The following PLB1 variants were observed in gnomAD, a reference collection of about 807,000 sequenced individuals.
PLB1 encodes the protein phospholipase B1.
PLB1 carries 242 observed loss-of-function variants against 227.4 expected under a neutral mutation model. The ratio of observed to expected loss-of-function variants is 1.06; its 90% CI spans 0.96 to 1.18. PLB1 has a LOEUF of 1.18. Among genes scored for constraint, PLB1 ranks in the 50% most tolerant of loss-of-function variants. The pLI, the probability that PLB1 is intolerant of heterozygous loss-of-function variation, is 0.00. For missense variants in PLB1, 1,858 were observed against 1,816.3 expected (o/e 1.02, Z -0.42); for synonymous variants, 757 against 682.2 (o/e 1.11, Z -1.71).
chr2:28,587,353 C>T (rs117235897), intron 26 of PLB1, among the ~76,000 whole-genome samples: 4,256 of 152,264 alleles, frequency 0.028, 96 homozygotes, highest in South Asian at 0.084. Context: ...TGGTGACTCA[C>T]GCCTATAATC....
chr2:28,537,883 G>T (rs114152807), intron 9 of PLB1, among the ~76,000 whole-genome samples: 2 of 152,172 alleles, frequency 1.3e-5, no homozygotes, highest in East Asian at 3.9e-4. Context: ...TCACATGAAG[G>T]TTCCGAGGCC....
chr2:28,540,478 C>A, intron 12 of PLB1, 37 bp downstream of exon 12: 1 of 1,586,370 alleles, frequency 6.3e-7, no homozygotes, highest in Admixed American at 1.7e-5. Flanking sequence ...GCTGGCTCAC[C>A]GGGGTGGCGT....
intron 19 of PLB1, among the ~76,000 whole-genome samples, chr2:28,565,713 G>A (rs962417562): frequency 1.3e-5 from 2 of 152,180 alleles, no homozygotes; most frequent in East Asian, 3.8e-4. Flanking sequence ...CTGAGCCCTA[G>A]CTGCCCAGTT....
At chr2:28,541,173 AAAATAAATAAATT>A (rs1301223101) in intron 12 of PLB1, among the ~76,000 whole-genome samples, 2 of 56,094 alleles carry the variant, frequency 3.6e-5, no homozygotes, top group South Asian at 9.0e-4. Context: ...CTCCGTCTCA[AAAATAAATAAATT>A]AAATAAATAA....
rs375685144 is a variant in PLB1, at chr2:28,614,157, C to T, written c.3195+61C>T. The T allele has an allele frequency of 4.2e-5, 60 of 1,445,462 alleles. No individual in the cohort carries two copies. In the African/African-American group the frequency reaches 6.2e-4, roughly 15 times the overall value. 89.5% of individuals were successfully genotyped at this position (1,445,462 alleles called of 1,614,324 possible). A position where few individuals can be genotyped will look rare whatever the true frequency, so the allele number is the denominator to read the frequency against. Reference sequence around the variant, plus strand: ...AAACCATTTCCACCTGCCAGGGGCTCGGGTGTGGTACAGGTTTCAGAGTAT... The same window carrying T: ...AAACCATTTCCACCTGCCAGGGGCTTGGGTGTGGTACAGGTTTCAGAGTAT... On this transcript the variant is annotated intron_variant, in intron 44 of 57. Transcript: ENST00000327757.
chr2:28,541,369 T>C (rs999718776), intron 12 of PLB1, among the ~76,000 whole-genome samples: 63 of 152,244 alleles, frequency 4.1e-4, no homozygotes, highest in African/African-American at 1.5e-3. Context: ...ATTTTTTGAG[T>C]GGTTAAGGCA....
chr2:28,601,204 T>A, intron 36 of PLB1, 48 bp from the exon 37 acceptor site: 6 of 1,494,802 alleles, frequency 4.0e-6, no homozygotes, highest in Non-Finnish European at 5.6e-6. Context: ...CAGGGATATT[T>A]TCATTTCCTT....
intron 43 of PLB1, among the ~76,000 whole-genome samples, chr2:28,612,586 C>T (rs1211820989): frequency 6.6e-6 from 1 of 150,796 alleles, no homozygotes. Context: ...GACGAGATCA[C>T]TTTTCCAACA....
chr2:28,510,893 A>G (rs1314289272), intron 1 of PLB1, among the ~76,000 whole-genome samples: 1 of 151,776 alleles, frequency 6.6e-6, no homozygotes, highest in Non-Finnish European at 1.5e-5. Context: ...CTCTCAAAGC[A>G]TTGAGATTAC....
chr2:28,547,626 C>T (rs1035273770), intron 14 of PLB1, among the ~76,000 whole-genome samples: 3 of 152,128 alleles, frequency 2.0e-5, no homozygotes, highest in Non-Finnish European at 4.4e-5. Context: ...CTGCCCCATC[C>T]AGTAGCTTCC....
intron 55 of PLB1, 44 bp from the exon 56 acceptor site, chr2:28,632,900 A>G: frequency 1.4e-6 from 2 of 1,428,636 alleles, no homozygotes; most frequent in South Asian, 2.3e-5. Context: ...CTCAGGTAGC[A>G]GAGCCCTTTC....
At chr2:28,566,903 C>G (rs778156242) in intron 20 of PLB1, 64 bp downstream of exon 20, 6 of 1,588,366 alleles carry the variant, frequency 3.8e-6, no homozygotes, top group Middle Eastern at 1.7e-4. Flanking sequence ...TCCCGCTCCC[C>G]CTGCAGGTGG....
At chr2:28,586,811 A>T (rs1249977863) in intron 26 of PLB1, among the ~76,000 whole-genome samples, 1 of 152,190 alleles carries the variant, frequency 6.6e-6, no homozygotes, top group Admixed American at 6.5e-5. Context: ...GCAGTGGCAC[A>T]ATCTTGGCTC....
chr2:28,509,007 T>A (rs1182773924), intron 1 of PLB1, among the ~76,000 whole-genome samples: 1 of 152,152 alleles, frequency 6.6e-6, no homozygotes, highest in African/African-American at 2.4e-5. Flanking sequence ...ACACAACCCT[T>A]TCCAGTTCTT....
In PLB1 at chr2:28,590,065, T is replaced by A; in HGVS notation, c.2077T>A (p.Cys693Ser). ...HKFENKINIT[C>S]PNQVQPFLRT... ...GTTTGAAAACAAGATCAATATCACATGTCCGAACCAGGTAGAGTGGAAAGC... is the reference window on the plus strand; with the variant it reads ...GTTTGAAAACAAGATCAATATCACAAGTCCGAACCAGGTAGAGTGGAAAGC... Residue 693 changes from cysteine (C) to serine (S), a missense_variant, in exon 29 of 58, where the codon TGT becomes AGT. Transcript: ENST00000327757. 6.2e-7 allele frequency: 1 copy of A among 1,612,418 alleles called. No individual in the cohort carries two copies. The highest frequency in any genetic ancestry group is 1.3e-5 in the African/African-American group (1 of 74,978).
intron 35 of PLB1, 53 bp from the exon 36 acceptor site, chr2:28,600,755 GA>G: frequency 6.3e-7 from 1 of 1,576,878 alleles, no homozygotes; most frequent in Non-Finnish European, 8.7e-7. Context: ...CCTCTAGGAG[GA>G]AAACTATGGG....
At chr2:28,532,683 C>A (rs1330262620) in intron 9 of PLB1, among the ~76,000 whole-genome samples, 1 of 152,150 alleles carries the variant, frequency 6.6e-6, no homozygotes, top group Admixed American at 6.5e-5. Flanking sequence ...AACTATCTTG[C>A]GTCTTAATTC....
At chr2:28,628,461 C>T (rs887830138) in intron 51 of PLB1, 102 bp from the exon 52 acceptor site, 1 of 1,007,030 alleles carries the variant, frequency 9.9e-7, no homozygotes, top group African/African-American at 1.6e-5. Flanking sequence ...CCCTCTGTAC[C>T]CACTCAGTCA....
intron 55 of PLB1, 33 bp from the exon 56 acceptor site, chr2:28,632,911 C>T (rs1264041442): frequency 6.4e-7 from 1 of 1,557,024 alleles, no homozygotes. Flanking sequence ...GAGCCCTTTC[C>T]CAGGATGATA....
Sources: gnomAD v4.1 joint callset for allele counts (sites outside exome capture counted in the v4.1 genomes callset) on GRCh38, gnomAD v4.1.1 for gene constraint, MANE v1.5 for transcripts, NCBI Gene and HGNC (gene_info 2026-07-23, HGNC 2026-07-21) for gene names.